SYT6: variants seen among roughly 807,000 people sequenced by gnomAD.
SYT6 encodes synaptotagmin-6.
Under a neutral mutation model 38.4 loss-of-function variants are expected in SYT6, and 24 were observed. The observed-to-expected ratio is 0.62, with a 90% CI of 0.45 to 0.88. SYT6 has a LOEUF of 0.88. Ranked by LOEUF, SYT6 falls within the 40% of genes least tolerant of loss-of-function variation. SYT6 has a pLI of 0.00. For missense variants in SYT6, 611 were observed against 621.0 expected, an observed-to-expected ratio of 0.98 and a Z score of 0.17; for synonymous variants, 265 against 241.9, an observed-to-expected ratio of 1.10 and a Z score of -0.89.
intron 3 of SYT6, among the ~76,000 whole-genome samples, chr1:114,136,672 C>T (rs988885154): frequency 2.6e-5 from 4 of 152,212 alleles, no homozygotes; most frequent in Non-Finnish European, 5.9e-5. Flanking sequence ...TTGCAAACAG[C>T]CCAGCACCCA....
chr1:114,122,122 G>T (rs771453257), intron 3 of SYT6, among the ~76,000 whole-genome samples: 2 of 152,204 alleles, frequency 1.3e-5, no homozygotes, highest in African/African-American at 4.8e-5. Context: ...GACTGACAGC[G>T]CAGAGCTGAC....
intron 1 of SYT6, among the ~76,000 whole-genome samples, chr1:114,142,964 C>T (rs765789337): frequency 3.9e-5 from 6 of 151,988 alleles, no homozygotes; most frequent in Non-Finnish European, 5.9e-5. Flanking sequence ...AAATATATTA[C>T]AATGTATACT....
intron 1 of SYT6, among the ~76,000 whole-genome samples, chr1:114,147,255 T>G (rs868660042): frequency 3.3e-5 from 5 of 152,376 alleles, no homozygotes; most frequent in Admixed American, 6.5e-5. Flanking sequence ...TCAGTTGTTT[T>G]GTTGTTACCA....
At chr1:114,099,327 A>T (rs930753156) in intron 4 of SYT6, 62 bp from the exon 5 acceptor site, 7 of 1,517,062 alleles carry the variant, frequency 4.6e-6, no homozygotes, top group Non-Finnish European at 6.2e-6. Flanking sequence ...TGCAAACATC[A>T]TTTGCAGCAA....
Position 114,091,420 on chromosome 1 carries a change from C to T in SYT6, c.*714G>A, listed in dbSNP as rs1481656526. The T allele has an allele frequency of 6.6e-6, 1 of 152,366 alleles. No homozygotes were observed. The highest frequency in any genetic ancestry group is 6.5e-5 in the Admixed American group (1 of 15,284). The allele number at this position is 152,366 out of a possible 1,614,324, so 9.4% of individuals were successfully genotyped here. On this transcript the variant is annotated 3_prime_UTR_variant, in exon 8 of 8. Transcript: ENST00000610222. ...CGAGGAAGGGGAGCGAGGAACCCTGCACATCAGCTGAAGGCTCACAAGCGC... is the reference window on the plus strand; with the variant it reads ...CGAGGAAGGGGAGCGAGGAACCCTGTACATCAGCTGAAGGCTCACAAGCGC...
chr1:114,111,850 C>T lies in SYT6; in HGVS notation c.1072-8129G>A, dbSNP rs546609917. On this transcript the variant is annotated intron_variant, in intron 3 of 7. Transcript: ENST00000610222. ...TCAGCTCTCGCCTGGGAGAGAGGAG[C>T]TGTGGGAGTGGGCACTCCTTCCTAG... is the stretch of plus-strand genomic sequence containing the variant. Among the ~76,000 whole-genome samples the T allele has an allele frequency of 1.1e-4, 17 of 152,160 alleles. 1 individual carries two copies. The highest frequency in any genetic ancestry group is 4.1e-4 in the African/African-American group (17 of 41,524).
intron 3 of SYT6, among the ~76,000 whole-genome samples, chr1:114,120,559 T>A (rs1026491420): frequency 5.3e-5 from 8 of 152,240 alleles, no homozygotes; most frequent in African/African-American, 1.9e-4. Flanking sequence ...CTAAATCTTT[T>A]CTGGAGCAAC....
intron 4 of SYT6, among the ~76,000 whole-genome samples, chr1:114,100,509 A>G (rs1304333716): frequency 6.6e-6 from 1 of 152,246 alleles, no homozygotes; most frequent in Non-Finnish European, 1.5e-5. Context: ...TCCAAGCCTG[A>G]AAGGCATTTT....
chr1:114,129,570 T>TTC, intron 3 of SYT6, among the ~76,000 whole-genome samples: 1 of 92,150 alleles, frequency 1.1e-5, no homozygotes, highest in South Asian at 4.6e-4. Flanking sequence ...TTTCTTTTCT[T>TTC]TCTTTCTTTC....
Position 114,092,332 on chromosome 1 carries a change from C to CTGTG in SYT6, c.*52-251_*52-250insCACA, listed in dbSNP as rs1356649164. Among the ~76,000 whole-genome samples, 195 of 138,840 alleles carry CTGTG rather than the reference C, an allele frequency of 1.4e-3. 1 individual carries two copies. In the East Asian group the frequency reaches 0.045, roughly 32 times the overall value. The allele number at this position is 138,840 out of a possible 152,430, so 91.1% of individuals were successfully genotyped here. On this transcript the variant is annotated intron_variant, in intron 7 of 7. Coordinates refer to ENST00000610222, the MANE Select transcript of SYT6 (RefSeq NM_001253772.2). Reference sequence around the variant, plus strand: ...CTTAACTCTCTCTCTCTCTCTCTCTCTCTCTCTGTGTGTGTGTGTGTGTGT... The same window carrying CTGTG: ...CTTAACTCTCTCTCTCTCTCTCTCTCTGTGTCTCTCTGTGTGTGTGTGTGTGTGT...
At chr1:114,145,502 GT>G (rs752982644) in intron 1 of SYT6, among the ~76,000 whole-genome samples, 35,752 of 111,614 alleles carry the variant, frequency 0.32, 5,325 homozygotes, top group Middle Eastern at 0.42. Context: ...GAGGTATTAA[GT>G]TTTTTTTTTT....
intron 3 of SYT6, among the ~76,000 whole-genome samples, chr1:114,134,822 C>T (rs376680251): frequency 2.6e-5 from 4 of 152,198 alleles, no homozygotes; most frequent in South Asian, 2.1e-4. Flanking sequence ...GTTGGCTGCG[C>T]TCATCTCATC....
At chr1:114,122,456 C>T (rs1004928613) in intron 3 of SYT6, among the ~76,000 whole-genome samples, 23 of 151,134 alleles carry the variant, frequency 1.5e-4, no homozygotes, top group African/African-American at 4.6e-4. Context: ...GCTTCCCTGG[C>T]GTGTGATGGA....
At chr1:114,092,747 C>T (rs59618804) in intron 7 of SYT6, among the ~76,000 whole-genome samples, 11,575 of 152,164 alleles carry the variant, frequency 0.076, 664 homozygotes, top group African/African-American at 0.13. Flanking sequence ...TGTAATGAGG[C>T]GTAATGGAGT....
At chr1:114,109,974 G>A (rs993015145) in intron 3 of SYT6, among the ~76,000 whole-genome samples, 2 of 152,264 alleles carry the variant, frequency 1.3e-5, no homozygotes, top group African/African-American at 2.4e-5. Context: ...CGGGGCGCAT[G>A]AGAGGTTCCC....
intron 3 of SYT6, among the ~76,000 whole-genome samples, chr1:114,124,787 T>C (rs1403160422): frequency 6.6e-6 from 1 of 152,228 alleles, no homozygotes; most frequent in East Asian, 1.9e-4. Flanking sequence ...AGCCAGTTCC[T>C]GAGTGGCAAC....
At chr1:114,111,949 C>T (rs1422246524) in intron 3 of SYT6, among the ~76,000 whole-genome samples, 1 of 152,144 alleles carries the variant, frequency 6.6e-6, no homozygotes, top group Non-Finnish European at 1.5e-5. Flanking sequence ...CGCCTCAGGC[C>T]CGGGCTCCTA....
chr1:114,153,035 C>A (rs1271688901), intron 1 of SYT6: 2 of 150,734 alleles, frequency 1.3e-5, no homozygotes, highest in Middle Eastern at 3.4e-3. Flanking sequence ...CGCCCCCCAG[C>A]GGAGACGCGG....
At chr1:114,103,009 A>G (rs763536347) in intron 4 of SYT6, among the ~76,000 whole-genome samples, 4 of 152,244 alleles carry the variant, frequency 2.6e-5, no homozygotes, top group Admixed American at 6.5e-5. Flanking sequence ...GAATAAGACT[A>G]TATTTCTATG....
Sources: gnomAD v4.1 joint callset for allele counts (sites outside exome capture counted in the v4.1 genomes callset) on GRCh38, gnomAD v4.1.1 for gene constraint, MANE v1.5 for transcripts, NCBI Gene and HGNC (gene_info 2026-07-23, HGNC 2026-07-21) for gene names.